BCAS3: variants seen among roughly 807,000 people sequenced by gnomAD.
BCAS3 encodes the protein BCAS4/BCAS3 fusion.
In BCAS3, 53 loss-of-function variants were observed where a neutral mutation model predicts 116.1. The ratio of observed to expected loss-of-function variants is 0.46; its 90% CI spans 0.37 to 0.57. The LOEUF (loss-of-function observed/expected upper bound fraction) is 0.57. Among genes scored for constraint, BCAS3 ranks in the 20% least tolerant of loss-of-function variants. The probability of loss-of-function intolerance (pLI) is 0.00; values close to 1 mark genes in which losing one functional copy is unlikely to be tolerated. For missense variants in BCAS3, 917 were observed against 1,165.4 expected (o/e 0.79, Z 3.10); for synonymous variants, 391 against 408.2 (o/e 0.96, Z 0.51).
chr17:60,679,324 G>C (rs2032606335), intron 1 of BCAS3, 129 bp from the exon 2 acceptor site: 1 of 606,822 alleles, frequency 1.6e-6, no homozygotes, highest in Admixed American at 3.0e-5. Flanking sequence ...GGAATTTCTG[G>C]GAAAGTTTCC....
intron 4 of BCAS3, among the ~76,000 whole-genome samples, chr17:60,699,862 C>CAAAAAA (rs34153475): frequency 2.9e-5 from 2 of 68,506 alleles, no homozygotes; most frequent in Admixed American, 3.7e-4. Flanking sequence ...GACTCCGTCT[C>CAAAAAA]AAAAAAAAAA....
chr17:60,976,223 AC>A lies in BCAS3; in HGVS notation c.1222-13746del, dbSNP rs1219562356. 2.7e-5 allele frequency among the ~76,000 whole-genome samples: 4 copies of A among 150,250 alleles called. No homozygotes were observed. The East Asian group carries it at 7.9e-4, about 30-fold the overall frequency. Reference sequence around the variant, plus strand: ...TATTTTTTAGTAGAGATCGGGTTTCACCGTGTTAGCCAGGATGGTCTCAATC... The same window carrying A: ...TATTTTTTAGTAGAGATCGGGTTTCACGTGTTAGCCAGGATGGTCTCAATC... On this transcript the variant is annotated intron_variant, in intron 14 of 23. Coordinates refer to ENST00000407086, the MANE Select transcript of BCAS3 (RefSeq NM_017679.5).
At chr17:61,209,418 G>A (rs2081330282) in intron 22 of BCAS3, among the ~76,000 whole-genome samples, 2 of 152,296 alleles carry the variant, frequency 1.3e-5, no homozygotes, top group South Asian at 4.1e-4. Flanking sequence ...TCCATTCACA[G>A]AGGCCAAAAT....
chr17:61,146,127 G>C (rs373826236), intron 22 of BCAS3, among the ~76,000 whole-genome samples: 1 of 60,050 alleles, frequency 1.7e-5, no homozygotes, highest in Non-Finnish European at 3.8e-5. Flanking sequence ...TTTTTTTTTT[G>C]AGACAGTTTC....
intron 6 of BCAS3, among the ~76,000 whole-genome samples, chr17:60,789,967 A>G (rs1413677244): frequency 6.6e-6 from 1 of 151,508 alleles, no homozygotes; most frequent in Non-Finnish European, 1.5e-5. Flanking sequence ...TTTTTTCTGG[A>G]TGGTCTGCCT....
Position 61,339,295 on chromosome 17 carries a change from TGAA to T in BCAS3, c.2426-29028_2426-29026del, listed in dbSNP as rs1386787023. Among the ~76,000 whole-genome samples, 1 of 152,108 alleles carries T rather than the reference TGAA, an allele frequency of 6.6e-6. No individual in the cohort carries two copies. The highest frequency in any genetic ancestry group is 1.5e-5 in the Non-Finnish European group (1 of 68,032). ...ATCCCAGGTCACACCCAAAAGCCAA[TGAA>T]GAAAGGGTTTTGGTTTGGTGAGTGC... On this transcript the variant is annotated intron_variant, in intron 22 of 23. Coordinates refer to ENST00000407086, the MANE Select transcript of BCAS3 (RefSeq NM_017679.5). This position sits in a 1 kb window ranked among gnomAD's most constrained non-coding sequence, Gnocchi z 4.4.
Position 61,204,185 on chromosome 17 carries a change from GAAACTCTCCC to G in BCAS3, c.2425+119622_2425+119631del, listed in dbSNP as rs2080998040. Among the ~76,000 whole-genome samples the G allele has an allele frequency of 6.6e-6, 1 of 152,190 alleles. No homozygotes were observed. The highest frequency in any genetic ancestry group is 2.1e-4 in the South Asian group (1 of 4,832). The stretch of plus-strand genomic sequence containing the variant: ...TTCCGGAAATTTTCACAGAGGGAGA[GAAACTCTCCC>G]TCCTCTTTCAGTGTTTTATTTTTAA... On this transcript the variant is annotated intron_variant, in intron 22 of 23. Coordinates refer to ENST00000407086, the MANE Select transcript of BCAS3 (RefSeq NM_017679.5). This position sits in a 1 kb window ranked among gnomAD's most constrained non-coding sequence, Gnocchi z 4.2.
At position 61,098,329 on chromosome 17, in the gene BCAS3, A is replaced by T. The variant is rs2074106168; in HGVS notation, c.2425+13765A>T. On this transcript the variant is annotated intron_variant, in intron 22 of 23. Transcript: ENST00000407086. This position sits in a 1 kb window ranked among gnomAD's most constrained non-coding sequence, Gnocchi z 4.2. Reference sequence around the variant, plus strand: ...GTCCCCCTTTCTGTTCTTAGTATTTAAGAGGCCTTCATAATCACAGAAGAG... The same window carrying T: ...GTCCCCCTTTCTGTTCTTAGTATTTTAGAGGCCTTCATAATCACAGAAGAG... Among the ~76,000 whole-genome samples the T allele has an allele frequency of 6.6e-6, 1 of 152,206 alleles. No individual in the cohort carries two copies. The highest frequency in any genetic ancestry group is 6.5e-5 in the Admixed American group (1 of 15,282).
intron 22 of BCAS3, among the ~76,000 whole-genome samples, chr17:61,266,072 G>C (rs190649940): frequency 1.0e-3 from 159 of 152,262 alleles, no homozygotes; most frequent in African/African-American, 3.6e-3. Context: ...ATTCCAAGGG[G>C]GAAGCCTGTC....
At chr17:60,823,041 A>G (rs1164516810) in intron 7 of BCAS3, among the ~76,000 whole-genome samples, 4 of 152,200 alleles carry the variant, frequency 2.6e-5, no homozygotes, top group African/African-American at 9.6e-5. Flanking sequence ...AAAATCTGAG[A>G]AATAAAGTGA....
chr17:61,121,963 C>T (rs1216169727), intron 22 of BCAS3, among the ~76,000 whole-genome samples: 1 of 152,114 alleles, frequency 6.6e-6, no homozygotes, highest in Non-Finnish European at 1.5e-5. Flanking sequence ...CTCCTGACAT[C>T]GTGATCCACC....
At chr17:60,974,010 A>G (rs1226292521) in intron 14 of BCAS3, among the ~76,000 whole-genome samples, 2 of 152,188 alleles carry the variant, frequency 1.3e-5, no homozygotes, top group Admixed American at 6.5e-5. Flanking sequence ...TTATTTAAGT[A>G]TTCTAAAAAT....
chr17:61,293,000 GT>G (rs2052579644), intron 22 of BCAS3, among the ~76,000 whole-genome samples: 3 of 152,114 alleles, frequency 2.0e-5, no homozygotes, highest in Non-Finnish European at 4.4e-5. Context: ...TTTATGGGGG[GT>G]TATTCTTGAC....
chr17:61,213,370 A>G lies in BCAS3; in HGVS notation c.2425+128806A>G, dbSNP rs972742507. ...TTTTTAGTAGAAACGGGGTTTCACC[A>G]GCTTGGCCAGGCTGGTCTTGAACTC... On this transcript the variant is annotated intron_variant, in intron 22 of 23. Coordinates refer to ENST00000407086, the MANE Select transcript of BCAS3 (RefSeq NM_017679.5). The surrounding 1 kb of genome is among the most constrained non-coding windows in gnomAD (Gnocchi z 5.4). Among the ~76,000 whole-genome samples the G allele has an allele frequency of 6.6e-6, 1 of 152,028 alleles. No individual in the cohort carries two copies. The highest frequency in any genetic ancestry group is 1.5e-5 in the Non-Finnish European group (1 of 67,980).
At chr17:60,901,619 A>C (rs1422290667) in intron 10 of BCAS3, among the ~76,000 whole-genome samples, 1 of 152,214 alleles carries the variant, frequency 6.6e-6, no homozygotes, top group African/African-American at 2.4e-5. Context: ...GTTCCATTCT[A>C]TTATAATATA....
rs963138504 is a variant in BCAS3 at position 60,994,632 on chromosome 17, A to G, written c.1486+4397A>G. Among the ~76,000 whole-genome samples the G allele has an allele frequency of 3.9e-5, 6 of 152,198 alleles. No homozygotes were observed. Among genetic ancestry groups the G allele is most frequent in the African/African-American group, 4.8e-5 (2 of 41,454 alleles). ...TTAGAAAATGTCCTATCTTATTTCC[A>G]GCTTCTTGTCTAACCATACCTAGAT... is the stretch of plus-strand genomic sequence containing the variant. On this transcript the variant is annotated intron_variant, in intron 15 of 23. Coordinates refer to ENST00000407086, the MANE Select transcript of BCAS3 (RefSeq NM_017679.5). This position sits in a 1 kb window ranked among gnomAD's most constrained non-coding sequence, Gnocchi z 4.4.
In BCAS3 at chr17:61,336,811, AG is replaced by A. The variant is rs200078034; in HGVS notation, c.2426-31515del. ...CCCAAGGTTACACAGAAAAGGCAGCAGCAGAACTTTATCCTTTCTGGCCAGG... is the reference window on the plus strand; with the variant it reads ...CCCAAGGTTACACAGAAAAGGCAGCACAGAACTTTATCCTTTCTGGCCAGG... On this transcript the variant is annotated intron_variant, in intron 22 of 23. Coordinates refer to ENST00000407086, the MANE Select transcript of BCAS3 (RefSeq NM_017679.5). Among the ~76,000 whole-genome samples, 13 of 152,352 alleles carry A rather than the reference AG, an allele frequency of 8.5e-5. No individual in the cohort carries two copies. In the East Asian group the frequency reaches 1.9e-3, roughly 23 times the overall value.
chr17:60,806,365 T>C (rs1197801377), intron 6 of BCAS3, among the ~76,000 whole-genome samples: 1 of 152,204 alleles, frequency 6.6e-6, no homozygotes, highest in African/African-American at 2.4e-5. Flanking sequence ...GGGCTTCCTT[T>C]CAGGAATCAA....
At chr17:60,707,704 A>C (rs1568064118) in intron 4 of BCAS3, among the ~76,000 whole-genome samples, 1 of 40,590 alleles carries the variant, frequency 2.5e-5, no homozygotes, top group African/African-American at 2.8e-5. Context: ...GTTTTTAAAA[A>C]TAAAATAACT....
Sources: allele counts gnomAD v4.1 joint callset (sites outside exome capture counted in the v4.1 genomes callset), GRCh38; gene constraint gnomAD v4.1.1; non-coding constraint Gnocchi (gnomAD v3.1); transcripts MANE v1.5; gene names NCBI Gene and HGNC (gene_info 2026-07-23, HGNC 2026-07-21).